SYN3: variants seen among roughly 807,000 people sequenced by gnomAD.
SYN3 encodes the protein synapsin III, also known as synapsin-3.
SYN3 carries 35 observed loss-of-function variants against 65.8 expected under a neutral mutation model. The observed-to-expected ratio is 0.53, with a 90% CI of 0.41 to 0.70. SYN3 has a LOEUF of 0.70. SYN3 is among the 30% of genes least tolerant of loss of function. The pLI, the probability that SYN3 is intolerant of heterozygous loss-of-function variation, is 0.00. For missense variants in SYN3, 680 were observed against 749.0 expected, an observed-to-expected ratio of 0.91 and a Z score of 1.08; for synonymous variants, 270 against 292.9, an observed-to-expected ratio of 0.92 and a Z score of 0.80.
chr22:32,617,091 T>C (rs545570111), intron 6 of SYN3, among the ~76,000 whole-genome samples: 4 of 152,318 alleles, frequency 2.6e-5, no homozygotes, highest in Admixed American at 2.6e-4. Flanking sequence ...TCTCTCCAAA[T>C]GAGGGCAGAC....
chr22:32,831,453 G>A (rs1435870348), intron 6 of SYN3, among the ~76,000 whole-genome samples: 4 of 152,114 alleles, frequency 2.6e-5, no homozygotes, highest in Non-Finnish European at 5.9e-5. Flanking sequence ...AGGGCAGCGG[G>A]GCTGGATTTT....
In SYN3 at chr22:32,853,129, T is replaced by G. The variant is rs538823464; in HGVS notation, c.711+11786A>C. 1.4e-4 allele frequency among the ~76,000 whole-genome samples: 21 copies of G among 152,298 alleles called. No individual in the cohort carries two copies. The South Asian group carries it at 4.4e-3, about 32-fold the overall frequency. On this transcript the variant is annotated intron_variant, in intron 6 of 13. Coordinates refer to ENST00000358763, the MANE Select transcript of SYN3 (RefSeq NM_003490.4). ...ATGAGCAATAGCAGGGTCTCGCCTT[T>G]GAAGCTCTAGCTGGAAGCATCTTTG...
intron 4 of SYN3, among the ~76,000 whole-genome samples, chr22:32,927,727 T>C (rs1256782828): frequency 2.0e-5 from 3 of 152,230 alleles, no homozygotes; most frequent in Non-Finnish European, 2.9e-5. Context: ...TTGCCCTTCA[T>C]ATAATCTTGC....
intron 6 of SYN3, among the ~76,000 whole-genome samples, chr22:32,799,392 C>T (rs1450113077): frequency 1.3e-5 from 2 of 152,208 alleles, no homozygotes; most frequent in Non-Finnish European, 2.9e-5. Context: ...TCAGATTATA[C>T]TTGTGCTTTC....
chr22:32,952,069 C>A (rs1003262061), intron 3 of SYN3, among the ~76,000 whole-genome samples: 2 of 152,156 alleles, frequency 1.3e-5, no homozygotes, highest in Non-Finnish European at 1.5e-5. Context: ...CATCTCAGGG[C>A]TGAGCTCTTT....
At chr22:32,744,478 C>T (rs1351194680) in intron 6 of SYN3, among the ~76,000 whole-genome samples, 1 of 152,138 alleles carries the variant, frequency 6.6e-6, no homozygotes, top group Non-Finnish European at 1.5e-5. Context: ...GTAATAATAG[C>T]TAAATGTCAC....
At chr22:32,611,292 T>TG (rs1569089466) in intron 6 of SYN3, among the ~76,000 whole-genome samples, 1 of 115,036 alleles carries the variant, frequency 8.7e-6, no homozygotes, top group South Asian at 4.2e-4. Context: ...TTGTTTTTTT[T>TG]TTTTTTTTTT....
intron 6 of SYN3, among the ~76,000 whole-genome samples, chr22:32,844,177 G>A (rs534371237): frequency 2.0e-5 from 3 of 152,190 alleles, no homozygotes; most frequent in South Asian, 2.1e-4. Context: ...GGGAAGAAGG[G>A]TCTGGATTTG....
chr22:32,948,928 G>A (rs942938980), intron 3 of SYN3, among the ~76,000 whole-genome samples: 1 of 150,974 alleles, frequency 6.6e-6, no homozygotes, highest in East Asian at 1.9e-4. Context: ...TCCTAGGTCA[G>A]AAGGAGATAC....
intron 7 of SYN3, among the ~76,000 whole-genome samples, chr22:32,547,585 G>C (rs1259594529): frequency 6.6e-6 from 1 of 151,858 alleles, no homozygotes; most frequent in African/African-American, 2.4e-5. Context: ...TTGTGTGCTT[G>C]TGTGCACACA....
chr22:32,555,186 T>C (rs1292159216), intron 7 of SYN3, among the ~76,000 whole-genome samples: 1 of 152,188 alleles, frequency 6.6e-6, no homozygotes, highest in Non-Finnish European at 1.5e-5. Flanking sequence ...GCAATAGCCC[T>C]GAGGTTGATG....
At chr22:32,786,021 A>AAG (rs1569223771) in intron 6 of SYN3, among the ~76,000 whole-genome samples, 30 of 121,736 alleles carry the variant, frequency 2.5e-4, no homozygotes, top group African/African-American at 8.4e-4. Context: ...AGAAGAAGAA[A>AAG]AAAAAAATAC....
At chr22:32,645,781 C>T (rs1547412) in intron 6 of SYN3, among the ~76,000 whole-genome samples, 54,841 of 151,608 alleles carry the variant, frequency 0.36, 11,402 homozygotes, top group East Asian at 0.9. Context: ...TAGGAGACAA[C>T]AGATTTGGGA....
intron 7 of SYN3, among the ~76,000 whole-genome samples, chr22:32,576,128 C>A (rs189076323): frequency 6.6e-6 from 1 of 152,134 alleles, no homozygotes; most frequent in African/African-American, 2.4e-5. Flanking sequence ...GTTCTATCGA[C>A]ATATAGACAC....
intron 6 of SYN3, among the ~76,000 whole-genome samples, chr22:32,845,458 G>A (rs185218065): frequency 1.8e-4 from 28 of 152,186 alleles, no homozygotes; most frequent in South Asian, 4.2e-4. Flanking sequence ...CCAAAGTGCT[G>A]GGATTACAGT....
At chr22:33,036,537 T>C (rs1262729711) in intron 1 of SYN3, among the ~76,000 whole-genome samples, 3 of 152,154 alleles carry the variant, frequency 2.0e-5, no homozygotes, top group African/African-American at 7.2e-5. Context: ...CAGAGGCATC[T>C]ATATAACGAA....
chr22:32,745,136 G>T (rs576082130), intron 6 of SYN3, among the ~76,000 whole-genome samples: 28 of 152,290 alleles, frequency 1.8e-4, no homozygotes, highest in African/African-American at 5.5e-4. Flanking sequence ...GAGGAGCCAG[G>T]ATTTGAATCC....
intron 12 of SYN3, among the ~76,000 whole-genome samples, chr22:32,523,814 A>T (rs768260918): frequency 1.1e-4 from 17 of 152,246 alleles, no homozygotes; most frequent in Admixed American, 7.9e-4. Context: ...GGCCTCTTGC[A>T]CCAGAAAGTT....
At chr22:32,574,113 C>T (rs2058819028) in intron 7 of SYN3, among the ~76,000 whole-genome samples, 1 of 151,690 alleles carries the variant, frequency 6.6e-6, no homozygotes. Context: ...ACTCTCATCT[C>T]CCTCTCAGGG....
Sources: gnomAD v4.1 joint callset for allele counts (sites outside exome capture counted in the v4.1 genomes callset) on GRCh38, gnomAD v4.1.1 for gene constraint, MANE v1.5 for transcripts, NCBI Gene and HGNC (gene_info 2026-07-23, HGNC 2026-07-21) for gene names.